The following PLA2G4E variants were observed in gnomAD, a reference collection of about 807,000 sequenced individuals.
PLA2G4E encodes the protein cytosolic phospholipase A2 epsilon.
A neutral mutation model predicts 109.1 loss-of-function variants in PLA2G4E; 84 were observed. That is an observed-to-expected ratio of 0.77 (90% CI 0.65 to 0.92). PLA2G4E has a LOEUF of 0.92. Among genes scored for constraint, PLA2G4E ranks in the 40% least tolerant of loss-of-function variants. The pLI, the probability that PLA2G4E is intolerant of heterozygous loss-of-function variation, is 0.00. For missense variants in PLA2G4E, 1,057 were observed against 1,076.6 expected (o/e 0.98, Z 0.25); for synonymous variants, 469 against 436.1 (o/e 1.08, Z -0.94).
chr15:42,005,822 C>T (rs572259931), intron 4 of PLA2G4E, among the ~76,000 whole-genome samples, 168 bp downstream of exon 4: 104 of 152,300 alleles, frequency 6.8e-4, no homozygotes, highest in African/African-American at 2.2e-3. Flanking sequence ...GTTATTTTTA[C>T]GACATCACAT....
intron 3 of PLA2G4E, among the ~76,000 whole-genome samples, chr15:42,006,998 A>G (rs1390531772): frequency 6.6e-6 from 1 of 152,222 alleles, no homozygotes; most frequent in Non-Finnish European, 1.5e-5. Context: ...ATGATAGAAA[A>G]GGTATTTTAA....
intron 10 of PLA2G4E, 138 bp downstream of exon 10, chr15:41,999,386 A>G (rs919303963): frequency 9.3e-6 from 6 of 642,912 alleles, no homozygotes; most frequent in Non-Finnish European, 1.7e-5. Flanking sequence ...AAAGAAGATG[A>G]TATGCCAGCC....
In PLA2G4E at chr15:41,995,370, CT is replaced by C. The variant is rs746082097; in HGVS notation, c.1236del (p.Ala414ProfsTer31). The stretch of plus-strand genomic sequence containing the variant: ...CTCATGTCTCCTTACCAGGTGGCCC[CT>C]GATAGACCGGTGATGTAGCTGGCAC... On this transcript the variant is annotated frameshift_variant, in exon 12 of 20. Coordinates refer to ENST00000399518, the Ensembl canonical transcript of PLA2G4E. LOFTEE classifies it high-confidence loss of function. The C allele has an allele frequency of 1.2e-6, 2 of 1,613,350 alleles. No individual in the cohort carries two copies. The highest frequency in any genetic ancestry group is 3.3e-5 in the Admixed American group (2 of 60,008).
rs74493477 is a variant in PLA2G4E, at chr15:42,021,618, C to T, written c.184-7861G>A. ...GGGTCTGGGGCAACCATCCCCTGTC[C>T]TCCCTCCTGGGAGGCCAGGTGGAGA... On this transcript the variant is annotated intron_variant, in intron 1 of 19. Transcript: ENST00000399518. Among the ~76,000 whole-genome samples, 473 of 152,286 alleles carry T rather than the reference C, an allele frequency of 3.1e-3. 2 individuals carry two copies. Among genetic ancestry groups the T allele is most frequent in the African/African-American group, 0.011 (442 of 41,562 alleles).
chr15:42,016,241 C>CTTTTTTTTTTTTTTTTTTT (rs1168452228), intron 1 of PLA2G4E, among the ~76,000 whole-genome samples: 2 of 104,692 alleles, frequency 1.9e-5, no homozygotes, highest in Non-Finnish European at 3.9e-5. Context: ...TTTATCTTTA[C>CTTTTTTTTTTTTTTTTTTT]TTTTTTTTTT....
Position 41,990,238 on chromosome 15 carries a change from G to A in PLA2G4E, c.1471-3C>T. Reference sequence around the variant, plus strand: ...TCTGACAGTTTGCATTCATTTCTCTGTGGGGAAACAAAATGGTTAAAGAGA... The same window carrying A: ...TCTGACAGTTTGCATTCATTTCTCTATGGGGAAACAAAATGGTTAAAGAGA... On this transcript the variant is annotated splice_region_variant and splice_polypyrimidine_tract_variant and intron_variant, in intron 13 of 19. Coordinates refer to ENST00000399518, the Ensembl canonical transcript of PLA2G4E. The A allele has an allele frequency of 6.2e-7, 1 of 1,613,048 alleles. No homozygotes were observed. The highest frequency in any genetic ancestry group is 8.5e-7 in the Non-Finnish European group (1 of 1,179,440).
exon 8 of PLA2G4E, chr15:42,000,279 T>C (rs762443894): frequency 6.4e-7 from 1 of 1,565,568 alleles, no homozygotes; most frequent in East Asian, 2.4e-5. Flanking sequence ...CAGGAGGTCC[T>C]TCACTGGGAG....
At chr15:41,987,017 C>T (rs2068151921) in intron 17 of PLA2G4E, 155 bp downstream of exon 17, 1 of 764,278 alleles carries the variant, frequency 1.3e-6, no homozygotes, top group South Asian at 1.8e-5. Flanking sequence ...CAAGACGACA[C>T]CACCAAATGT....
exon 20 of PLA2G4E, chr15:41,983,559 C>T: frequency 1.7e-6 from 1 of 601,186 alleles, no homozygotes; most frequent in Admixed American, 3.0e-5. Context: ...AAAACCCCAA[C>T]AGAGCTCCTC....
chr15:42,029,835 C>G (rs561599653), intron 1 of PLA2G4E, among the ~76,000 whole-genome samples: 1 of 152,316 alleles, frequency 6.6e-6, no homozygotes, highest in South Asian at 2.1e-4. Flanking sequence ...TATAAGTGAT[C>G]CACAGTACAG....
chr15:42,025,266 G>T lies in PLA2G4E; in HGVS notation c.184-11509C>A, dbSNP rs115017607. Among the ~76,000 whole-genome samples, 1,456 of 151,920 alleles carry T rather than the reference G, an allele frequency of 9.6e-3. 23 individuals are homozygous for T. The highest frequency in any genetic ancestry group is 0.034 in the African/African-American group (1,399 of 41,418). ...AGGAAAGAAACATGAAAGGTGACTC[G>T]CCAGTAAGACAGGTTTACTTAAGGG... On this transcript the variant is annotated intron_variant, in intron 1 of 19. Transcript: ENST00000399518.
chr15:41,988,876 C>T (rs2068193279), intron 15 of PLA2G4E, among the ~76,000 whole-genome samples: 1 of 152,134 alleles, frequency 6.6e-6, no homozygotes, highest in African/African-American at 2.4e-5. Flanking sequence ...GGGGAAGGCA[C>T]AGACAACTAA....
intron 1 of PLA2G4E, among the ~76,000 whole-genome samples, chr15:42,024,988 C>T (rs1487062490): frequency 6.6e-6 from 1 of 152,018 alleles, no homozygotes; most frequent in East Asian, 1.9e-4. Flanking sequence ...ATCACGAGGT[C>T]AGGAGATCGA....
chr15:42,003,604 T>C (rs2068442793), intron 5 of PLA2G4E, among the ~76,000 whole-genome samples: 2 of 152,224 alleles, frequency 1.3e-5, no homozygotes, highest in Non-Finnish European at 2.9e-5. Context: ...GTTAAGTAAA[T>C]AACGTTGATT....
chr15:42,002,101 G>C (rs1033082274), intron 6 of PLA2G4E, among the ~76,000 whole-genome samples: 3 of 152,050 alleles, frequency 2.0e-5, no homozygotes, highest in Non-Finnish European at 4.4e-5. Context: ...CTTGAGCTCA[G>C]GAGTTTGAAA....
chr15:41,997,026 G>C (rs567055932), intron 11 of PLA2G4E, 98 bp downstream of exon 11: 1 of 1,394,096 alleles, frequency 7.2e-7, no homozygotes, highest in African/African-American at 1.5e-5. Flanking sequence ...CATCCATGGA[G>C]GTGGCGCCTG....
chr15:41,993,708 A>G (rs1392632313), intron 12 of PLA2G4E, among the ~76,000 whole-genome samples: 2 of 152,146 alleles, frequency 1.3e-5, no homozygotes, highest in Admixed American at 1.3e-4. Flanking sequence ...CCTCCCTGGC[A>G]GTGCAGCTAG....
chr15:41,983,845 T>C (rs2068097061), exon 20 of PLA2G4E: 2 of 1,612,710 alleles, frequency 1.2e-6, no homozygotes, highest in Admixed American at 1.7e-5. Flanking sequence ...CAGGATGTTA[T>C]ACTCTGAGAG....
chr15:41,986,067 C>T, intron 17 of PLA2G4E, 62 bp from the exon 18 acceptor site: 1 of 1,523,134 alleles, frequency 6.6e-7, no homozygotes. Flanking sequence ...TGGACAGAGG[C>T]ACTTGGGGGG....
Sources: gnomAD v4.1 joint callset for allele counts (sites outside exome capture counted in the v4.1 genomes callset) on GRCh38, gnomAD v4.1.1 for gene constraint, MANE v1.5 for transcripts, NCBI Gene and HGNC (gene_info 2026-07-23, HGNC 2026-07-21) for gene names.